Variants in CCDC141 observed in about 807,000 individuals in gnomAD.
The protein encoded by CCDC141 is coiled-coil domain-containing protein 141.
CCDC141 carries 168 observed loss-of-function variants against 181.0 expected under a neutral mutation model. That is an observed-to-expected ratio of 0.93 (90% CI 0.82 to 1.05). The LOEUF (loss-of-function observed/expected upper bound fraction) is 1.05. CCDC141 is among the 50% of genes least tolerant of loss of function. The probability of loss-of-function intolerance (pLI) is 0.00; values close to 1 mark genes in which losing one functional copy is unlikely to be tolerated. For missense variants in CCDC141, 1,902 were observed against 1,788.5 expected (o/e 1.06, Z -1.14); for synonymous variants, 666 against 642.3 (o/e 1.04, Z -0.56).
chr2:178,972,760 G>T (rs551691243), intron 4 of CCDC141, among the ~76,000 whole-genome samples: 55 of 152,294 alleles, frequency 3.6e-4, no homozygotes, highest in African/African-American at 1.3e-3. Context: ...CTCTTTCAAG[G>T]ATTGTTATGT....
At chr2:178,908,904 G>C (rs561620175) in intron 7 of CCDC141, among the ~76,000 whole-genome samples, 106 of 152,288 alleles carry the variant, frequency 7.0e-4, no homozygotes, top group African/African-American at 2.6e-3. Context: ...ACATATAGTA[G>C]GTACTTGGAA....
chr2:178,905,819 T>C (rs1687940223), intron 7 of CCDC141, among the ~76,000 whole-genome samples: 3 of 152,250 alleles, frequency 2.0e-5, no homozygotes, highest in African/African-American at 4.8e-5. Flanking sequence ...GTCAGTCTGG[T>C]TTATTTTGTG....
rs1471563077 is a variant in CCDC141, at chr2:178,961,295, T to C, written c.715A>G (p.Lys239Glu). Residue 239 changes from lysine (K) to glutamate (E), a missense_variant, in exon 5 of 24, where the codon AAG (lysine) becomes GAG (glutamate). Lys to Glu is a moderately conservative substitution (Grantham distance 56). Coordinates refer to ENST00000443758, the MANE Select transcript of CCDC141 (RefSeq NM_173648.4). ...TGACTCAATTCTTGCCACTGTTGCT[T>C]CAAGTACTTGTCTAGTTGTCTTCTC... Reference protein sequence around the residue: ...DRRRQLDKYLKQQWQELSQVL... With the variant: ...DRRRQLDKYLEQQWQELSQVL... 5 of 1,550,522 alleles carry C rather than the reference T, an allele frequency of 3.2e-6. No individual in the cohort carries two copies. Among genetic ancestry groups the C allele is most frequent in the Non-Finnish European group, 4.4e-6 (5 of 1,146,924 alleles).
intron 14 of CCDC141, 32 bp from the exon 15 acceptor site, chr2:178,869,337 C>G: frequency 6.5e-7 from 1 of 1,527,524 alleles, no homozygotes; most frequent in South Asian, 1.3e-5. Flanking sequence ...AAAAATCTTG[C>G]TATTAAAGAA....
intron 2 of CCDC141, among the ~76,000 whole-genome samples, chr2:179,031,915 T>C (rs1199545444): frequency 6.6e-6 from 1 of 152,102 alleles, no homozygotes; most frequent in Non-Finnish European, 1.5e-5. Context: ...GTGCAAAACA[T>C]GTCTTATGAA....
At chr2:178,919,991 A>G (rs1282993651) in intron 6 of CCDC141, among the ~76,000 whole-genome samples, 1 of 152,244 alleles carries the variant, frequency 6.6e-6, no homozygotes, top group Non-Finnish European at 1.5e-5. Context: ...CATTAAACAG[A>G]ATTAAAATAT....
chr2:179,032,863 A>G (rs2043037682), intron 2 of CCDC141, among the ~76,000 whole-genome samples: 1 of 152,034 alleles, frequency 6.6e-6, no homozygotes, highest in South Asian at 2.1e-4. Context: ...AGGGCTAATC[A>G]TAGAGTCAGA....
At chr2:178,979,714 G>A (rs1691282076) in intron 2 of CCDC141, among the ~76,000 whole-genome samples, 1 of 152,178 alleles carries the variant, frequency 6.6e-6, no homozygotes, top group African/African-American at 2.4e-5. Context: ...AATCACTGAT[G>A]CTTTAAAATG....
chr2:178,880,349 G>A (rs1373152072), intron 11 of CCDC141, among the ~76,000 whole-genome samples: 1 of 152,152 alleles, frequency 6.6e-6, no homozygotes, highest in South Asian at 2.1e-4. Flanking sequence ...AATTTCAGGA[G>A]GTAATGTGAT....
At chr2:178,841,283 T>C (rs1474608631) in intron 22 of CCDC141, among the ~76,000 whole-genome samples, 1 of 152,218 alleles carries the variant, frequency 6.6e-6, no homozygotes, top group Non-Finnish European at 1.5e-5. Context: ...CCTCATTCAG[T>C]ACACATTTCT....
intron 20 of CCDC141, among the ~76,000 whole-genome samples, chr2:178,853,126 T>C (rs547715233): frequency 4.6e-5 from 7 of 152,204 alleles, no homozygotes; most frequent in South Asian, 2.1e-4. Flanking sequence ...TGTTTGTTTG[T>C]TTATATAAGC....
At chr2:178,967,467 A>T (rs1690692127) in intron 4 of CCDC141, among the ~76,000 whole-genome samples, 1 of 152,234 alleles carries the variant, frequency 6.6e-6, no homozygotes, top group Non-Finnish European at 1.5e-5. Context: ...TTTTCAGCCC[A>T]GAATTTCATA....
downstream of CCDC141, among the ~76,000 whole-genome samples, chr2:178,827,342 CTA>C (rs148166001): frequency 0.015 from 2,227 of 152,234 alleles, 21 homozygotes; most frequent in Admixed American, 0.024. Context: ...ATGGAATATT[CTA>C]TGTGTCAATT....
chr2:178,997,208 G>C (rs1015732615), intron 2 of CCDC141, among the ~76,000 whole-genome samples: 1 of 152,152 alleles, frequency 6.6e-6, no homozygotes, highest in Non-Finnish European at 1.5e-5. Flanking sequence ...TGTTAGGAAG[G>C]CCTTGTGGTT....
At chr2:178,995,319 G>A (rs527584066) in intron 2 of CCDC141, among the ~76,000 whole-genome samples, 1 of 152,314 alleles carries the variant, frequency 6.6e-6, no homozygotes, top group East Asian at 1.9e-4. Flanking sequence ...CAGGCAAAAA[G>A]AGTGCTTGTT....
intron 8 of CCDC141, among the ~76,000 whole-genome samples, chr2:178,889,199 T>C (rs891758521): frequency 1.3e-5 from 1 of 76,394 alleles, no homozygotes; most frequent in Non-Finnish European, 2.7e-5. Flanking sequence ...AAATCAAATA[T>C]ACTTGTTGAT....
At chr2:179,023,285 G>A (rs950062609) in intron 2 of CCDC141, among the ~76,000 whole-genome samples, 1 of 152,102 alleles carries the variant, frequency 6.6e-6, no homozygotes, top group Non-Finnish European at 1.5e-5. Flanking sequence ...TCTGAGGTAG[G>A]TATTACTACC....
intron 10 of CCDC141, among the ~76,000 whole-genome samples, chr2:178,885,633 T>A (rs76551702): frequency 0.027 from 4,126 of 152,288 alleles, 76 homozygotes; most frequent in Non-Finnish European, 0.039. Flanking sequence ...GACTTTGACT[T>A]GCTCAGGGAT....
At chr2:178,967,916 A>T (rs1690711199) in intron 4 of CCDC141, among the ~76,000 whole-genome samples, 1 of 151,450 alleles carries the variant, frequency 6.6e-6, no homozygotes, top group African/African-American at 2.4e-5. Context: ...AATGGAAAGT[A>T]AAAAAAAAGC....
Sources: gnomAD v4.1 joint callset for allele counts (sites outside exome capture counted in the v4.1 genomes callset) on GRCh38, gnomAD v4.1.1 for gene constraint, MANE v1.5 for transcripts, NCBI Gene and HGNC (gene_info 2026-07-23, HGNC 2026-07-21) for gene names.